Variants in SLC49A4 observed in about 807,000 individuals in gnomAD.
SLC49A4 encodes the protein disrupted in renal cancer protein 2.
SLC49A4 carries 36 observed loss-of-function variants against 50.6 expected under a neutral mutation model. The observed-to-expected ratio is 0.71, with a 90% confidence interval of 0.55 to 0.94. SLC49A4 has a LOEUF of 0.94. Among genes scored for constraint, SLC49A4 ranks in the 40% least tolerant of loss-of-function variants. SLC49A4 has a pLI of 0.00. For missense variants in SLC49A4, 503 were observed against 605.7 expected (o/e 0.83, Z 1.78); for synonymous variants, 248 against 241.2 (o/e 1.03, Z -0.26).
At chr3:122,827,185 TTA>T in intron 3 of SLC49A4, 120 bp downstream of exon 3, 3 of 1,058,868 alleles carry the variant, frequency 2.8e-6, no homozygotes, top group Non-Finnish European at 4.0e-6. Flanking sequence ...ATATGTAAAT[TTA>T]CATGCACTGT....
At chr3:122,851,126 G>C (rs1474126003) in intron 5 of SLC49A4, among the ~76,000 whole-genome samples, 1 of 152,054 alleles carries the variant, frequency 6.6e-6, no homozygotes, top group Non-Finnish European at 1.5e-5. Context: ...CCATCTTTCA[G>C]GCTATTACTG....
chr3:122,811,077 C>T (rs1015990906), intron 2 of SLC49A4, among the ~76,000 whole-genome samples: 3 of 152,150 alleles, frequency 2.0e-5, no homozygotes, highest in African/African-American at 4.8e-5. Flanking sequence ...ATATATTTGA[C>T]TATGTAAAAA....
intron 3 of SLC49A4, among the ~76,000 whole-genome samples, chr3:122,831,242 G>A (rs1415891346): frequency 2.0e-5 from 3 of 152,018 alleles, no homozygotes; most frequent in African/African-American, 7.2e-5. Flanking sequence ...GTTAAACAAA[G>A]ATTACCATAC....
chr3:122,823,835 G>A (rs1936485664), intron 2 of SLC49A4, among the ~76,000 whole-genome samples: 1 of 152,160 alleles, frequency 6.6e-6, no homozygotes, highest in South Asian at 2.1e-4. Context: ...GTAAAATGAT[G>A]TTTGTTAATG....
At chr3:122,867,135 C>G (rs1295535193) in intron 7 of SLC49A4, among the ~76,000 whole-genome samples, 1 of 152,102 alleles carries the variant, frequency 6.6e-6, no homozygotes, top group Non-Finnish European at 1.5e-5. Context: ...CAATTTGGGG[C>G]CAGTTTTATA....
chr3:122,851,042 T>G (rs1037976206), intron 5 of SLC49A4, among the ~76,000 whole-genome samples: 3 of 152,216 alleles, frequency 2.0e-5, no homozygotes, highest in African/African-American at 4.8e-5. Context: ...ACACTTGACT[T>G]ATCAAATTAG....
At chr3:122,804,610 A>G (rs1354580931) in intron 1 of SLC49A4, among the ~76,000 whole-genome samples, 5 of 152,320 alleles carry the variant, frequency 3.3e-5, no homozygotes, top group African/African-American at 9.6e-5. Context: ...AAAATACACA[A>G]GAAAGCCACC....
At chr3:122,877,737 A>G (rs1937283501) in intron 8 of SLC49A4, among the ~76,000 whole-genome samples, 1 of 152,136 alleles carries the variant, frequency 6.6e-6, no homozygotes, top group Non-Finnish European at 1.5e-5. Context: ...TTAATTTTTT[A>G]CTGCTTCTTT....
intron 2 of SLC49A4, among the ~76,000 whole-genome samples, chr3:122,816,115 C>T (rs1244053837): frequency 6.6e-6 from 1 of 152,114 alleles, no homozygotes; most frequent in Non-Finnish European, 1.5e-5. Flanking sequence ...CACATTGATG[C>T]CATCTGAAAA....
intron 2 of SLC49A4, among the ~76,000 whole-genome samples, chr3:122,811,821 G>T (rs1012439496): frequency 6.6e-6 from 1 of 152,132 alleles, no homozygotes; most frequent in Admixed American, 6.5e-5. Context: ...TGTTTAGTAT[G>T]TTCTTACTTG....
intron 4 of SLC49A4, among the ~76,000 whole-genome samples, chr3:122,843,240 G>T (rs1936796865): frequency 6.6e-6 from 1 of 150,758 alleles, no homozygotes; most frequent in South Asian, 2.1e-4. Context: ...TTTTCATTTG[G>T]GAATGTTACA....
chr3:122,873,201 A>G (rs1937217817), intron 8 of SLC49A4, among the ~76,000 whole-genome samples: 1 of 150,848 alleles, frequency 6.6e-6, no homozygotes, highest in Non-Finnish European at 1.5e-5. Flanking sequence ...TTTTTTTGAG[A>G]CAGAATCTAA....
chr3:122,828,809 G>A (rs528241005), intron 3 of SLC49A4, among the ~76,000 whole-genome samples: 55 of 152,162 alleles, frequency 3.6e-4, no homozygotes, highest in Non-Finnish European at 5.4e-4. Flanking sequence ...CTGAACGCAG[G>A]TGAAACATAA....
chr3:122,835,031 A>ACCC (rs1396163712), intron 4 of SLC49A4, among the ~76,000 whole-genome samples: 2 of 152,188 alleles, frequency 1.3e-5, no homozygotes, highest in African/African-American at 4.8e-5. Flanking sequence ...CAGACCAATA[A>ACCC]TGAGCCGTGA....
chr3:122,816,988 A>G (rs1936376228), intron 2 of SLC49A4, among the ~76,000 whole-genome samples: 1 of 152,246 alleles, frequency 6.6e-6, no homozygotes, highest in South Asian at 2.1e-4. Flanking sequence ...ACCCTGGGGT[A>G]ATAGTTAATC....
intron 7 of SLC49A4, among the ~76,000 whole-genome samples, chr3:122,860,627 C>T (rs1009850430): frequency 2.6e-5 from 4 of 152,110 alleles, no homozygotes; most frequent in African/African-American, 7.2e-5. Flanking sequence ...TAGTGTTATT[C>T]CATCATTAAT....
chr3:122,844,197 A>G (rs1936817316), intron 4 of SLC49A4, among the ~76,000 whole-genome samples: 1 of 152,196 alleles, frequency 6.6e-6, no homozygotes, highest in African/African-American at 2.4e-5. Flanking sequence ...CAGCCTTGCA[A>G]TTAACTGGGA....
chr3:122,850,266 A>G (rs1268386587), intron 5 of SLC49A4, among the ~76,000 whole-genome samples: 1 of 152,204 alleles, frequency 6.6e-6, no homozygotes, highest in African/African-American at 2.4e-5. Flanking sequence ...TGACATTTTC[A>G]GCAGTTGAGA....
chr3:122,858,856 A>C (rs528031216), intron 6 of SLC49A4, among the ~76,000 whole-genome samples: 3 of 152,348 alleles, frequency 2.0e-5, no homozygotes, highest in African/African-American at 7.2e-5. Context: ...GAGGAAAAGC[A>C]GCTGGCAAGT....
Sources: allele counts gnomAD v4.1 joint callset (sites outside exome capture counted in the v4.1 genomes callset), GRCh38; gene constraint gnomAD v4.1.1; transcripts MANE v1.5; gene names NCBI Gene and HGNC (gene_info 2026-07-23, HGNC 2026-07-21).